ARID1A: variants seen among roughly 807,000 people sequenced by gnomAD.
The protein encoded by ARID1A is AT-rich interaction domain 1A, also known as AT-rich interactive domain-containing protein 1A.
Under a neutral mutation model 212.6 loss-of-function variants are expected in ARID1A, and 20 were observed. The ratio of observed to expected loss-of-function variants is 0.09; its 90% confidence interval spans 0.07 to 0.14. ARID1A has a LOEUF of 0.14. Among genes scored for constraint, ARID1A ranks in the 10% least tolerant of loss-of-function variants. ARID1A has a pLI of 1.00. For missense variants in ARID1A, 2,587 were observed against 3,059.0 expected (o/e 0.85, Z 3.64); for synonymous variants, 1,376 against 1,222.1 (o/e 1.13, Z -2.63).
chr1:26,761,364 T>A lies in ARID1A; in HGVS notation c.2162-20T>A, dbSNP rs1381654725. ...CAGGCTTAGCCATGATATGCTTATG[T>A]TGTTCTTTGTCTGGAGCAGGCAACC... On this transcript the variant is annotated intron_variant, in intron 5 of 19. Transcript: ENST00000324856. 1.2e-6 allele frequency: 2 copies of A among 1,613,588 alleles called. No homozygotes were observed. Among genetic ancestry groups the A allele is most frequent in the African/African-American group, 2.7e-5 (2 of 75,052 alleles).
At chr1:26,743,183 C>T (rs908517920) in intron 4 of ARID1A, among the ~76,000 whole-genome samples, 1 of 152,196 alleles carries the variant, frequency 6.6e-6, no homozygotes, top group Admixed American at 6.5e-5. Context: ...AACTTCATCT[C>T]CAGCCACTCA....
chr1:26,733,890 G>A (rs536689796), intron 4 of ARID1A, among the ~76,000 whole-genome samples: 17 of 152,262 alleles, frequency 1.1e-4, no homozygotes, highest in East Asian at 1.9e-4. Flanking sequence ...GGCAGAAGGC[G>A]GGAACTCTCT....
At chr1:26,768,879 G>A (rs1163126365) in intron 11 of ARID1A, among the ~76,000 whole-genome samples, 5 of 152,212 alleles carry the variant, frequency 3.3e-5, no homozygotes, top group African/African-American at 9.7e-5. Flanking sequence ...GCTCGGGGAG[G>A]TGTGGCAGGG....
In ARID1A at chr1:26,731,595, T is replaced by G; in HGVS notation, c.1794T>G (p.Pro598=). 1 of 1,613,542 alleles carries G rather than the reference T, an allele frequency of 6.2e-7. No homozygotes were observed. The change falls in exon 3 of 20, where the codon CCT becomes CCG. Residue 598 remains proline, a synonymous_variant. Transcript: ENST00000324856. ...QQTAYSQQRF[P]PPQELSQDSF... ...CTGCCTATTCCCAGCAGCGCTTCCC[T>G]CCACCGCAGGTAAGATATCCCTGCC...
chr1:26,707,258 G>A (rs577238952), intron 1 of ARID1A, among the ~76,000 whole-genome samples: 1 of 144,214 alleles, frequency 6.9e-6, no homozygotes, highest in African/African-American at 2.6e-5. Flanking sequence ...GCCCAGGCTG[G>A]AGTCCAGTGG....
rs2124742371 is a variant in ARID1A at position 26,696,948 on chromosome 1, C to T, written c.545C>T (p.Ala182Val). 6.9e-7 allele frequency: 1 copy of T among 1,455,946 alleles called. No homozygotes were observed. The highest frequency in any genetic ancestry group is 9.0e-7 in the Non-Finnish European group (1 of 1,110,948). The allele number at this position is 1,455,946 out of a possible 1,614,324, so 90.2% of individuals were successfully genotyped here. ...GGCGGACAACAAAGCCCTGGCCTGG[C>T]AGCGCTGCAGAGCGGCGGCGGCGGG... ...QHGGQQSPGL[A>V]ALQSGGGGGL... is the part of the protein sequence containing the mutation. The change falls in exon 1 of 20, where the codon GCA becomes GTA. Residue 182 changes from alanine to valine, a missense_variant. By Grantham distance (64) the Ala-to-Val change is moderately conservative (BLOSUM62 0). This residue lies in a region of ARID1A where 735 missense variants were observed against 590.6 expected (regional missense o/e 1.24). Coordinates refer to ENST00000324856, the MANE Select transcript of ARID1A (RefSeq NM_006015.6).
intron 4 of ARID1A, among the ~76,000 whole-genome samples, chr1:26,736,891 A>G (rs1320294703): frequency 6.7e-6 from 1 of 149,950 alleles, no homozygotes; most frequent in Non-Finnish European, 1.5e-5. Flanking sequence ...AACAAGAGTG[A>G]AATTCTGTCT....
intron 4 of ARID1A, among the ~76,000 whole-genome samples, chr1:26,740,870 T>A (rs1183524216): frequency 2.6e-5 from 4 of 152,152 alleles, no homozygotes; most frequent in African/African-American, 9.7e-5. Context: ...GGACTGAGAA[T>A]AAGTGGGTTC....
chr1:26,733,816 T>C (rs1246155793), intron 4 of ARID1A, among the ~76,000 whole-genome samples: 1 of 152,244 alleles, frequency 6.6e-6, no homozygotes, highest in Non-Finnish European at 1.5e-5. Flanking sequence ...TCTACTTGGA[T>C]GTAAAGCCTG....
chr1:26,731,926 TCAG>T (rs1046372141), intron 3 of ARID1A, among the ~76,000 whole-genome samples: 1 of 152,204 alleles, frequency 6.6e-6, no homozygotes, highest in Non-Finnish European at 1.5e-5. Flanking sequence ...CATCAGAACT[TCAG>T]CATCTAAGTG....
rs144090778 is a variant in ARID1A, at chr1:26,765,931, A to G, written c.2733-290A>G. ...TGGTGCATGCCTCATAGTCTTAGGC[A>G]CTCAGGAGGCTGAGGAAGGCAGATT... On this transcript the variant is annotated intron_variant, in intron 8 of 19. Coordinates refer to ENST00000324856, the MANE Select transcript of ARID1A (RefSeq NM_006015.6). 907 of 331,646 alleles carry G rather than the reference A, an allele frequency of 2.7e-3. 17 individuals are homozygous for G. The highest frequency in any genetic ancestry group is 7.8e-4 in the Non-Finnish European group (142 of 181,304). The allele number at this position is 331,646 out of a possible 1,614,324, so 20.5% of individuals were successfully genotyped here.
chr1:26,696,961 C>A lies in ARID1A; in HGVS notation c.558C>A (p.Ser186Arg). Residue 186 changes from serine to arginine, a missense_variant, in exon 1 of 20, where the codon AGC becomes AGA. Ser to Arg is a moderately radical substitution (Grantham distance 110). Transcript: ENST00000324856. ...GCCCTGGCCTGGCAGCGCTGCAGAGCGGCGGCGGCGGGGGCCTGGAGCCCT... is the reference window on the plus strand; with the variant it reads ...GCCCTGGCCTGGCAGCGCTGCAGAGAGGCGGCGGCGGGGGCCTGGAGCCCT... ...QQSPGLAALQ[S>R]GGGGGLEPYA... The A allele has an allele frequency of 6.9e-7, 1 of 1,454,086 alleles. No homozygotes were observed. 90.1% of individuals were successfully genotyped at this position (1,454,086 alleles called of 1,614,324 possible).
At position 26,696,649 on chromosome 1, in the gene ARID1A, TGGCGGCGGCGGCGGAGCC is replaced by T. The variant is rs777773061; in HGVS notation, c.250_267del (p.Gly84_Gly89del). On this transcript the variant is annotated inframe_deletion, in exon 1 of 20. Coordinates refer to ENST00000324856, the MANE Select transcript of ARID1A (RefSeq NM_006015.6). ...AGGACGGGGCCGAGAGCAATGGGGG[TGGCGGCGGCGGCGGAGCC>T]GGCAGCGGCGGCGGGCCCGGCGCGG... The T allele has an allele frequency of 8.5e-5, 111 of 1,303,508 alleles. No individual in the cohort carries two copies. The South Asian group carries it at 1.2e-3, about 14-fold the overall frequency. 80.7% of individuals were successfully genotyped at this position (1,303,508 alleles called of 1,614,324 possible). A position where few individuals can be genotyped will look rare whatever the true frequency, so the allele number is the denominator to read the frequency against.
In ARID1A at chr1:26,732,674, A is replaced by G. The variant is rs2124792182; in HGVS notation, c.1804-2A>G. Reference sequence around the variant, plus strand: ...TCACAGCTTTTGTTTTTCTTGTTGTAGGAGCTATCTCAAGATTCATTTGGG... The same window carrying G: ...TCACAGCTTTTGTTTTTCTTGTTGTGGGAGCTATCTCAAGATTCATTTGGG... On this transcript the variant is annotated splice_acceptor_variant, in intron 3 of 19. Coordinates refer to ENST00000324856, the MANE Select transcript of ARID1A (RefSeq NM_006015.6). LOFTEE classifies it high-confidence loss of function. 6.2e-7 allele frequency: 1 copy of G among 1,609,334 alleles called. No individual in the cohort carries two copies. Among genetic ancestry groups the G allele is most frequent in the East Asian group, 2.2e-5 (1 of 44,824 alleles).
rs2081040619 is a variant in ARID1A, at chr1:26,766,471, C to T, written c.2893C>T (p.Pro965Ser). 1 of 1,613,988 alleles carries T rather than the reference C, an allele frequency of 6.2e-7. No individual in the cohort carries two copies. ...ANNSAGMAAS[P>S]EMMGLGDVKL... ...CTCTTTTACAGGGATGGCAGCCAGC[C>T]CAGAGATGATGGGCCTTGGGGATGT... The change falls in exon 10 of 20, where the codon CCA becomes TCA. Residue 965 changes from proline to serine, a missense_variant. Pro to Ser is a moderately conservative substitution (Grantham distance 74). Transcript: ENST00000324856.
intron 1 of ARID1A, among the ~76,000 whole-genome samples, chr1:26,719,271 C>T (rs772660787): frequency 2.0e-5 from 3 of 152,176 alleles, no homozygotes; most frequent in East Asian, 1.9e-4. Flanking sequence ...TAGTATGTTA[C>T]GATACTTGCC....
At chr1:26,763,494 C>T (rs1384001935) in intron 8 of ARID1A, among the ~76,000 whole-genome samples, 2 of 152,126 alleles carry the variant, frequency 1.3e-5, no homozygotes, top group East Asian at 1.9e-4. Flanking sequence ...GGTTTTTGGC[C>T]GGGCGTGGCG....
chr1:26,731,645 A>G (rs376164658), intron 3 of ARID1A, 41 bp downstream of exon 3: 126 of 1,594,216 alleles, frequency 7.9e-5, no homozygotes, highest in Middle Eastern at 5.0e-4. Context: ...GTGTGTGACT[A>G]CAGACAGCTT....
At chr1:26,730,834 G>A (rs1303367399) in intron 2 of ARID1A, among the ~76,000 whole-genome samples, 2 of 152,202 alleles carry the variant, frequency 1.3e-5, no homozygotes, top group East Asian at 3.8e-4. Flanking sequence ...TATAAAAACA[G>A]TCTAGGCCGT....
Sources: allele counts gnomAD v4.1 joint callset (sites outside exome capture counted in the v4.1 genomes callset), GRCh38; gene constraint gnomAD v4.1.1; regional missense constraint gnomAD v4.1.1; transcripts MANE v1.5; gene names NCBI Gene and HGNC (gene_info 2026-07-23, HGNC 2026-07-21).